The following LHFPL6 variants were observed in gnomAD, a reference collection of about 807,000 sequenced individuals.
LHFPL6 encodes LHFPL tetraspan subfamily member 6 protein.
A neutral mutation model predicts 20.6 loss-of-function variants in LHFPL6; 9 were observed. That is an observed-to-expected ratio of 0.44 (90% CI 0.26 to 0.76). LHFPL6 has a LOEUF of 0.76. LHFPL6 is among the 30% of genes least tolerant of loss of function. The probability of loss-of-function intolerance (pLI) is 0.20; values close to 1 mark genes in which losing one functional copy is unlikely to be tolerated. For synonymous variants in LHFPL6, 105 were observed against 98.7 expected (o/e 1.06, Z -0.38); for missense variants, 218 against 253.5 (o/e 0.86, Z 0.95).
intron 2 of LHFPL6, among the ~76,000 whole-genome samples, chr13:39,490,651 T>C (rs1868895613): frequency 6.6e-6 from 1 of 152,218 alleles, no homozygotes; most frequent in Non-Finnish European, 1.5e-5. Context: ...AAATTGCCAC[T>C]ATGACATGTG....
intron 2 of LHFPL6, among the ~76,000 whole-genome samples, chr13:39,439,322 A>C (rs977124241): frequency 2.6e-5 from 4 of 152,162 alleles, no homozygotes; most frequent in Non-Finnish European, 5.9e-5. Context: ...TTAGAATAGG[A>C]GTATTTACCC....
At chr13:39,592,283 A>G (rs923760244) in intron 2 of LHFPL6, among the ~76,000 whole-genome samples, 1 of 152,134 alleles carries the variant, frequency 6.6e-6, no homozygotes, top group East Asian at 1.9e-4. Flanking sequence ...TAAAAACATT[A>G]TTAGATATCA....
chr13:39,518,554 A>G (rs9548791), intron 2 of LHFPL6, among the ~76,000 whole-genome samples: 12,973 of 152,184 alleles, frequency 0.085, 630 homozygotes, highest in East Asian at 0.25. Context: ...TGTTAACTTC[A>G]TATGTTTGTA....
chr13:39,345,641 C>T (rs1243866225), intron 3 of LHFPL6, among the ~76,000 whole-genome samples: 2 of 151,788 alleles, frequency 1.3e-5, no homozygotes, highest in African/African-American at 4.8e-5. Flanking sequence ...TGACAACCAG[C>T]GTTTGACTAC....
intron 2 of LHFPL6, among the ~76,000 whole-genome samples, chr13:39,490,800 G>T (rs1413736652): frequency 6.6e-6 from 1 of 152,116 alleles, no homozygotes. Context: ...TACTTATTTG[G>T]CTTTGGGATT....
intron 2 of LHFPL6, among the ~76,000 whole-genome samples, chr13:39,582,169 A>T (rs1266913954): frequency 6.6e-6 from 1 of 152,180 alleles, no homozygotes; most frequent in East Asian, 1.9e-4. Flanking sequence ...CAGCGGCCTC[A>T]TTCTACGAGG....
At chr13:39,569,152 C>CGGAT (rs1185146657) in intron 2 of LHFPL6, among the ~76,000 whole-genome samples, 26 of 33,262 alleles carry the variant, frequency 7.8e-4, no homozygotes, top group African/African-American at 2.4e-3. Context: ...GATGGATGGA[C>CGGAT]GGACGGATGG....
At chr13:39,421,965 C>G (rs1465703584) in intron 2 of LHFPL6, among the ~76,000 whole-genome samples, 1 of 152,198 alleles carries the variant, frequency 6.6e-6, no homozygotes, top group Non-Finnish European at 1.5e-5. Context: ...CCCAGTAACA[C>G]AAAGAATGAG....
At chr13:39,453,431 AC>A (rs1245837624) in intron 2 of LHFPL6, among the ~76,000 whole-genome samples, 10 of 152,216 alleles carry the variant, frequency 6.6e-5, no homozygotes. Context: ...CTCATGCAGT[AC>A]CTTTTGCCTA....
intron 2 of LHFPL6, among the ~76,000 whole-genome samples, chr13:39,595,396 G>A (rs1031423031): frequency 7.2e-5 from 11 of 152,210 alleles, no homozygotes; most frequent in African/African-American, 1.9e-4. Context: ...GGGTTCAAGC[G>A]ATTCTCATGC....
chr13:39,370,633 C>T (rs889671103), intron 3 of LHFPL6, among the ~76,000 whole-genome samples: 9 of 152,178 alleles, frequency 5.9e-5, no homozygotes, highest in Admixed American at 1.3e-4. Flanking sequence ...CTTTAACTGC[C>T]GCTCTCTGCA....
chr13:39,385,562 G>A (rs140504067), intron 2 of LHFPL6, among the ~76,000 whole-genome samples: 5 of 152,328 alleles, frequency 3.3e-5, no homozygotes, highest in South Asian at 2.1e-4. Context: ...GAAACTCTTC[G>A]ATTTCACAAA....
At chr13:39,574,482 CAAAA>C (rs796821570) in intron 2 of LHFPL6, among the ~76,000 whole-genome samples, 1 of 59,966 alleles carries the variant, frequency 1.7e-5, no homozygotes. Context: ...GACTCCGTCT[CAAAA>C]AAAAAAAAAA....
In LHFPL6 at chr13:39,485,911, C is replaced by T. The variant is rs73462865; in HGVS notation, c.386-107385G>A. 2.6e-3 allele frequency among the ~76,000 whole-genome samples: 403 copies of T among 152,218 alleles called. 1 individual carries two copies. Among genetic ancestry groups the T allele is most frequent in the African/African-American group, 9.4e-3 (391 of 41,532 alleles). ...GTATTAACTGATCTTTTACTAAGTTCTAGACTATCCAAAGCACCTTGCAAA... is the reference window on the plus strand; with the variant it reads ...GTATTAACTGATCTTTTACTAAGTTTTAGACTATCCAAAGCACCTTGCAAA... On this transcript the variant is annotated intron_variant, in intron 2 of 3. Coordinates refer to ENST00000379589, the MANE Select transcript of LHFPL6 (RefSeq NM_005780.3).
chr13:39,380,164 T>C (rs1375022554), intron 2 of LHFPL6, among the ~76,000 whole-genome samples: 2 of 152,224 alleles, frequency 1.3e-5, no homozygotes, highest in African/African-American at 2.4e-5. Flanking sequence ...CATGAATGTT[T>C]AATAAACAAT....
intron 2 of LHFPL6, among the ~76,000 whole-genome samples, chr13:39,560,675 C>A (rs1871449567): frequency 6.6e-6 from 1 of 152,080 alleles, no homozygotes; most frequent in South Asian, 2.1e-4. Flanking sequence ...CCCCCACGCC[C>A]GGCTAATTTC....
intron 2 of LHFPL6, among the ~76,000 whole-genome samples, chr13:39,591,821 T>C (rs1872599598): frequency 6.6e-6 from 1 of 152,030 alleles, no homozygotes; most frequent in Non-Finnish European, 1.5e-5. Context: ...TGAGGTTGGG[T>C]GCAGTGGCTG....
intron 2 of LHFPL6, among the ~76,000 whole-genome samples, chr13:39,502,500 G>A (rs938338504): frequency 1.3e-5 from 2 of 151,704 alleles, no homozygotes; most frequent in Non-Finnish European, 2.9e-5. Context: ...GCGCGCCTGT[G>A]GTTCCAGCTA....
chr13:39,602,517 AG>A (rs1267627379), intron 1 of LHFPL6, among the ~76,000 whole-genome samples: 2 of 152,082 alleles, frequency 1.3e-5, no homozygotes, highest in Admixed American at 1.3e-4. Context: ...GCCTGCGGGC[AG>A]GGGGCCCCCA....
Sources: gnomAD v4.1 joint callset for allele counts (sites outside exome capture counted in the v4.1 genomes callset) on GRCh38, gnomAD v4.1.1 for gene constraint, MANE v1.5 for transcripts, NCBI Gene and HGNC (gene_info 2026-07-23, HGNC 2026-07-21) for gene names.